Variants in OPCML observed in about 807,000 individuals in gnomAD.
OPCML encodes the protein opioid binding protein/cell adhesion molecule like.
In OPCML, 13 loss-of-function variants were observed where a neutral mutation model predicts 37.8. That is an observed-to-expected ratio of 0.34 (90% CI 0.22 to 0.55). The LOEUF (loss-of-function observed/expected upper bound fraction) is 0.55, where lower values mean the gene tolerates loss of function less well. Among genes scored for constraint, OPCML ranks in the 20% least tolerant of loss-of-function variants. The probability of loss-of-function intolerance (pLI) is 0.91; values close to 1 mark genes in which losing one functional copy is unlikely to be tolerated. For missense variants in OPCML, 341 were observed against 435.6 expected, an observed-to-expected ratio of 0.78 and a Z score of 1.93; for synonymous variants, 176 against 168.8, an observed-to-expected ratio of 1.04 and a Z score of -0.33.
chr11:132,568,940 T>C (rs532112358), intron 3 of OPCML, among the ~76,000 whole-genome samples: 1 of 152,210 alleles, frequency 6.6e-6, no homozygotes, highest in Non-Finnish European at 1.5e-5. Context: ...AAAAACATCT[T>C]TAATACTAAA....
intron 1 of OPCML, chr11:133,065,103 C>G (rs1168967379): frequency 6.6e-6 from 1 of 152,144 alleles, no homozygotes; most frequent in Non-Finnish European, 1.5e-5. Context: ...GTGCTTGAAG[C>G]CCCAGGACCC....
chr11:133,518,564 T>C (rs1402099907), intron 1 of OPCML, among the ~76,000 whole-genome samples: 1 of 152,024 alleles, frequency 6.6e-6, no homozygotes, highest in African/African-American at 2.4e-5. Context: ...CACAAGTGTG[T>C]GTGTGCCTAT....
At chr11:132,982,189 C>A (rs1946602662) in intron 1 of OPCML, among the ~76,000 whole-genome samples, 1 of 152,110 alleles carries the variant, frequency 6.6e-6, no homozygotes, top group Non-Finnish European at 1.5e-5. Context: ...GCTAATATTC[C>A]CACAAGCCCC....
At chr11:132,759,379 C>G (rs528536344) in intron 2 of OPCML, among the ~76,000 whole-genome samples, 25 of 152,204 alleles carry the variant, frequency 1.6e-4, no homozygotes, top group African/African-American at 5.3e-4. Context: ...GAAATTGTAC[C>G]AGCTCCTCTT....
chr11:132,618,832 T>C (rs898019642), intron 3 of OPCML, among the ~76,000 whole-genome samples: 3 of 152,020 alleles, frequency 2.0e-5, no homozygotes, highest in Admixed American at 2.0e-4. Flanking sequence ...ACAATAAGTT[T>C]CCATTCATTC....
chr11:133,018,779 C>A (rs540084637), intron 1 of OPCML, among the ~76,000 whole-genome samples: 1 of 152,216 alleles, frequency 6.6e-6, no homozygotes, highest in African/African-American at 2.4e-5. Flanking sequence ...GCCCCGTGTA[C>A]CCCGAGGCAC....
At position 132,713,857 on chromosome 11, in the gene OPCML, C is replaced by G. The variant is rs567718320; in HGVS notation, c.147-56538G>C. On this transcript the variant is annotated intron_variant, in intron 2 of 7. Coordinates refer to ENST00000524381, the MANE Select transcript of OPCML (RefSeq NM_001012393.5). ...ATTCATGACGGTTGACATGGTATTT[C>G]CACACCAGGAAAGGTCTCCTATGAA... Among the ~76,000 whole-genome samples the G allele has an allele frequency of 2.7e-4, 41 of 152,318 alleles. 2 individuals are homozygous for G. The South Asian group carries it at 8.3e-3, about 31-fold the overall frequency.
chr11:132,725,940 C>T (rs2511444), intron 2 of OPCML, among the ~76,000 whole-genome samples: 42,275 of 152,040 alleles, frequency 0.28, 6,362 homozygotes, highest in Middle Eastern at 0.35. Flanking sequence ...CCCAAAATTC[C>T]TCATTTCCAT....
At chr11:132,896,377 A>G (rs1385927769) in intron 2 of OPCML, among the ~76,000 whole-genome samples, 1 of 152,186 alleles carries the variant, frequency 6.6e-6, no homozygotes, top group East Asian at 1.9e-4. Flanking sequence ...TTACAATGGG[A>G]GCTGCTGTTA....
chr11:132,962,692 C>T (rs567961397), intron 1 of OPCML, among the ~76,000 whole-genome samples: 1 of 152,294 alleles, frequency 6.6e-6, no homozygotes, highest in South Asian at 2.1e-4. Context: ...CTACTCTGTA[C>T]CATCCCCACC....
intron 1 of OPCML, among the ~76,000 whole-genome samples, chr11:133,507,027 C>T (rs1318830613): frequency 1.3e-5 from 2 of 152,234 alleles, no homozygotes; most frequent in Admixed American, 6.5e-5. Flanking sequence ...GTCTTTCCCC[C>T]ACTTCCCATT....
At chr11:132,589,565 A>G (rs2096480827) in intron 3 of OPCML, among the ~76,000 whole-genome samples, 1 of 152,192 alleles carries the variant, frequency 6.6e-6, no homozygotes, top group African/African-American at 2.4e-5. Flanking sequence ...AAGATAATAG[A>G]TTTTGGACTA....
intron 2 of OPCML, among the ~76,000 whole-genome samples, chr11:132,816,570 A>G (rs1939651430): frequency 6.6e-6 from 1 of 152,184 alleles, no homozygotes; most frequent in Admixed American, 6.5e-5. Flanking sequence ...ACTGCAGGTA[A>G]GATTTCTTGT....
chr11:132,925,544 T>C (rs1197035172), intron 2 of OPCML, among the ~76,000 whole-genome samples: 5 of 152,118 alleles, frequency 3.3e-5, no homozygotes, highest in African/African-American at 7.2e-5. Context: ...CCCACGAAAG[T>C]ATGGGGACTC....
At chr11:133,290,517 C>T (rs1184852962) in intron 1 of OPCML, among the ~76,000 whole-genome samples, 1 of 152,166 alleles carries the variant, frequency 6.6e-6, no homozygotes, top group Non-Finnish European at 1.5e-5. Flanking sequence ...GTAAGTGTGG[C>T]AGCAGAAAAG....
chr11:133,169,762 T>C (rs1950262165), intron 1 of OPCML, among the ~76,000 whole-genome samples: 1 of 152,292 alleles, frequency 6.6e-6, no homozygotes, highest in Non-Finnish European at 1.5e-5. Flanking sequence ...ATGCAGTTAA[T>C]ATTCATTTGA....
chr11:133,403,865 G>A (rs1555152983), intron 1 of OPCML, among the ~76,000 whole-genome samples: 1 of 152,178 alleles, frequency 6.6e-6, no homozygotes, highest in Non-Finnish European at 1.5e-5. Context: ...ACAAGTGTAT[G>A]TTGGCCAAGA....
intron 2 of OPCML, among the ~76,000 whole-genome samples, chr11:132,823,428 C>G (rs895513317): frequency 6.6e-6 from 1 of 152,156 alleles, no homozygotes; most frequent in East Asian, 1.9e-4. Flanking sequence ...GTGGCTAGCA[C>G]CTTTTCCTGC....
intron 2 of OPCML, among the ~76,000 whole-genome samples, chr11:132,871,841 T>C (rs1391035475): frequency 6.6e-6 from 1 of 152,234 alleles, no homozygotes; most frequent in African/African-American, 2.4e-5. Context: ...TCAATGTATG[T>C]ATGCCTTTGT....
Sources: gnomAD v4.1 joint callset for allele counts (sites outside exome capture counted in the v4.1 genomes callset) on GRCh38, gnomAD v4.1.1 for gene constraint, MANE v1.5 for transcripts, NCBI Gene and HGNC (gene_info 2026-07-23, HGNC 2026-07-21) for gene names.